Variants in APP observed in about 807,000 individuals in gnomAD.
APP encodes amyloid-beta precursor protein.
Under a neutral mutation model 101.4 loss-of-function variants are expected in APP, and 31 were observed. The observed-to-expected ratio is 0.31, with a 90% confidence interval of 0.23 to 0.41. The LOEUF (loss-of-function observed/expected upper bound fraction) is 0.41, where lower values mean the gene tolerates loss of function less well. Ranked by LOEUF, APP falls within the 10% of genes least tolerant of loss-of-function variation. APP has a pLI of 1.00. For missense variants in APP, 839 were observed against 1,003.7 expected, an observed-to-expected ratio of 0.84 and a Z score of 2.22; for synonymous variants, 366 against 364.4, an observed-to-expected ratio of 1.00 and a Z score of -0.05.
intron 9 of APP, among the ~76,000 whole-genome samples, chr21:25,980,159 C>T (rs1601099555): frequency 6.6e-6 from 1 of 152,248 alleles, no homozygotes; most frequent in African/African-American, 2.4e-5. Context: ...TAACGCTGTA[C>T]AGAAAGCAAG....
intron 6 of APP, among the ~76,000 whole-genome samples, chr21:26,021,508 A>T (rs2044336671): frequency 6.6e-6 from 1 of 152,112 alleles, no homozygotes. Context: ...TATAACAAAC[A>T]CTCACTGCCA....
At chr21:26,159,849 T>G (rs1216823084) in intron 1 of APP, among the ~76,000 whole-genome samples, 1 of 152,116 alleles carries the variant, frequency 6.6e-6, no homozygotes, top group Non-Finnish European at 1.5e-5. Flanking sequence ...CCCAGAAAAT[T>G]CACAATGATA....
At chr21:26,105,596 C>A (rs552154603) in intron 2 of APP, among the ~76,000 whole-genome samples, 1 of 152,038 alleles carries the variant, frequency 6.6e-6, no homozygotes, top group African/African-American at 2.4e-5. Context: ...GAGAACTATT[C>A]ATTATTTCTA....
chr21:25,908,892 G>T (rs2038921646), intron 14 of APP, among the ~76,000 whole-genome samples: 1 of 152,110 alleles, frequency 6.6e-6, no homozygotes, highest in South Asian at 2.1e-4. Flanking sequence ...TTTAAACTCG[G>T]GTCTGTATCA....
intron 3 of APP, among the ~76,000 whole-genome samples, chr21:26,071,286 C>T (rs1387210988): frequency 6.6e-6 from 1 of 152,156 alleles, no homozygotes; most frequent in Admixed American, 6.5e-5. Flanking sequence ...CATGCCCTAG[C>T]CCATCCTATT....
chr21:26,136,408 T>C (rs2062919157), intron 1 of APP, among the ~76,000 whole-genome samples: 1 of 152,050 alleles, frequency 6.6e-6, no homozygotes, highest in African/African-American at 2.4e-5. Flanking sequence ...CATCAGGCTT[T>C]ATCTAGGGAG....
intron 11 of APP, 88 bp downstream of exon 11, chr21:25,974,982 C>G (rs1805360260): frequency 8.3e-6 from 13 of 1,570,320 alleles, no homozygotes; most frequent in Non-Finnish European, 1.1e-5. Flanking sequence ...TCTCCTCATT[C>G]TTTTTGTATG....
At chr21:25,922,559 TCA>T in intron 13 of APP, among the ~76,000 whole-genome samples, 1 of 24,332 alleles carries the variant, frequency 4.1e-5, no homozygotes, top group Non-Finnish European at 7.7e-5. Flanking sequence ...TGTACAAAAA[TCA>T]CAAGCATTCT....
At chr21:25,896,990 T>C (rs1414137563) in intron 16 of APP, among the ~76,000 whole-genome samples, 1 of 152,212 alleles carries the variant, frequency 6.6e-6, no homozygotes, top group Non-Finnish European at 1.5e-5. Context: ...AATAAACCTA[T>C]TGTAAACCTA....
intron 1 of APP, among the ~76,000 whole-genome samples, chr21:26,163,875 T>A (rs2063550572): frequency 6.6e-6 from 1 of 152,172 alleles, no homozygotes; most frequent in Non-Finnish European, 1.5e-5. Context: ...TTAAAAAAAA[T>A]ATATAATTTC....
chr21:25,988,679 G>A (rs1215013888), intron 8 of APP, among the ~76,000 whole-genome samples: 4 of 137,260 alleles, frequency 2.9e-5, no homozygotes, highest in Non-Finnish European at 6.1e-5. Flanking sequence ...CCCAGCCTGG[G>A]TGATAACAGC....
In APP at chr21:26,020,584, A is replaced by T. The variant is rs1011451274; in HGVS notation, c.865+1256T>A. 3.9e-5 allele frequency among the ~76,000 whole-genome samples: 6 copies of T among 152,320 alleles called. No individual in the cohort carries two copies. In the East Asian group the frequency reaches 1.2e-3, roughly 29 times the overall value. ...ATTAAACTTTAGCAAAAAGTGAGAGAAAGCCACTTTTTGTAAATGCTGTAA... is the reference window on the plus strand; with the variant it reads ...ATTAAACTTTAGCAAAAAGTGAGAGTAAGCCACTTTTTGTAAATGCTGTAA... On this transcript the variant is annotated intron_variant, in intron 6 of 17. Transcript: ENST00000346798.
chr21:26,083,303 T>C (rs544551797), intron 3 of APP, among the ~76,000 whole-genome samples: 1 of 152,194 alleles, frequency 6.6e-6, no homozygotes, highest in African/African-American at 2.4e-5. Flanking sequence ...TAAATGACCA[T>C]AAAAAAGAGT....
At chr21:26,113,568 A>T (rs1376448843) in intron 1 of APP, among the ~76,000 whole-genome samples, 3 of 152,222 alleles carry the variant, frequency 2.0e-5, no homozygotes, top group Non-Finnish European at 4.4e-5. Context: ...TCCAATATTT[A>T]ACGAAATTCT....
intron 3 of APP, among the ~76,000 whole-genome samples, chr21:26,082,653 A>ACACT (rs2061621206): frequency 6.6e-6 from 1 of 152,176 alleles, no homozygotes; most frequent in East Asian, 1.9e-4. Context: ...TACCTAAAAT[A>ACACT]CATCTCCTTT....
At chr21:26,080,912 T>G (rs1814297730) in intron 3 of APP, among the ~76,000 whole-genome samples, 1 of 152,210 alleles carries the variant, frequency 6.6e-6, no homozygotes, top group Admixed American at 6.5e-5. Flanking sequence ...CTTTTCATTA[T>G]TTTTAGGCCT....
intron 3 of APP, among the ~76,000 whole-genome samples, chr21:26,074,629 T>C (rs1468778761): frequency 6.6e-6 from 1 of 152,104 alleles, no homozygotes; most frequent in Non-Finnish European, 1.5e-5. Flanking sequence ...CGTGTGCCTG[T>C]AGTCCTAGCT....
chr21:26,112,507 G>A (rs190429250), intron 1 of APP, among the ~76,000 whole-genome samples: 2 of 152,142 alleles, frequency 1.3e-5, no homozygotes, highest in South Asian at 2.1e-4. Context: ...GGAGGCTACC[G>A]CATTCTTATA....
In APP at chr21:26,025,596, G is replaced by C. The variant is rs1331168771; in HGVS notation, c.663-3554C>G. ...ACTTGGATGTGGCCCTTAAAGCTCT[G>C]AATAGAAACCATGTTTGTAAAAACA... On this transcript the variant is annotated intron_variant, in intron 5 of 17. Transcript: ENST00000346798. Among the ~76,000 whole-genome samples, 4 of 152,154 alleles carry C rather than the reference G, an allele frequency of 2.6e-5. No individual in the cohort carries two copies. In the East Asian group the frequency reaches 7.7e-4, roughly 29 times the overall value.
Sources: allele counts gnomAD v4.1 joint callset (sites outside exome capture counted in the v4.1 genomes callset), GRCh38; gene constraint gnomAD v4.1.1; transcripts MANE v1.5; gene names NCBI Gene and HGNC (gene_info 2026-07-23, HGNC 2026-07-21).